Variants in FBXL20 observed in about 807,000 individuals in gnomAD.
The protein encoded by FBXL20 is F-box and leucine rich repeat protein 20.
FBXL20 carries 11 observed loss-of-function variants against 64.0 expected under a neutral mutation model. That is an observed-to-expected ratio of 0.17 (90% CI 0.11 to 0.28). FBXL20 has a LOEUF of 0.28. Ranked by LOEUF, FBXL20 falls within the 10% of genes least tolerant of loss-of-function variation. The pLI is 1.00. For synonymous variants in FBXL20, 184 were observed against 189.0 expected (o/e 0.97, Z 0.22); for missense variants, 303 against 526.2 (o/e 0.58, Z 4.15).
rs531679700 is a variant in FBXL20 at position 39,281,006 on chromosome 17, T to C, written c.696+383A>G. On this transcript the variant is annotated intron_variant, in intron 9 of 14. Coordinates refer to ENST00000264658, the MANE Select transcript of FBXL20 (RefSeq NM_032875.3). ...CTCAAACTCCTGGACTCAAGCAGTC[T>C]GCCTGCTTCAGCCTCCCAAAGTGCT... Among the ~76,000 whole-genome samples the C allele has an allele frequency of 2.0e-5, 3 of 152,340 alleles. No homozygotes were observed. In the South Asian group the frequency reaches 6.2e-4, roughly 32 times the overall value.
At chr17:39,328,103 C>T (rs1021724194) in intron 2 of FBXL20, among the ~76,000 whole-genome samples, 1 of 151,518 alleles carries the variant, frequency 6.6e-6, no homozygotes, top group African/African-American at 2.4e-5. Flanking sequence ...CAAAAATTAG[C>T]CGGGCGTGGT....
chr17:39,338,703 CATTA>C (rs1025211781), intron 2 of FBXL20, among the ~76,000 whole-genome samples: 1 of 152,084 alleles, frequency 6.6e-6, no homozygotes, highest in African/African-American at 2.4e-5. Context: ...CAGTAACAAG[CATTA>C]ATTGACATCA....
chr17:39,316,272 T>A (rs1045426705), intron 2 of FBXL20, among the ~76,000 whole-genome samples: 1 of 150,630 alleles, frequency 6.6e-6, no homozygotes, highest in Non-Finnish European at 1.5e-5. Context: ...TGTGTACATA[T>A]ATACACGTGT....
intron 2 of FBXL20, among the ~76,000 whole-genome samples, chr17:39,342,558 T>C (rs2047592985): frequency 2.0e-5 from 3 of 151,616 alleles, no homozygotes; most frequent in African/African-American, 4.8e-5. Context: ...TACTAAAAAA[T>C]ACAAAAAAAT....
intron 1 of FBXL20, among the ~76,000 whole-genome samples, chr17:39,366,602 T>C (rs2047862188): frequency 6.6e-6 from 1 of 152,218 alleles, no homozygotes; most frequent in Non-Finnish European, 1.5e-5. Context: ...CTTGCATGTC[T>C]AAAATATGTA....
chr17:39,279,504 A>G (rs1200322156), intron 9 of FBXL20, among the ~76,000 whole-genome samples: 2 of 152,026 alleles, frequency 1.3e-5, no homozygotes, highest in Non-Finnish European at 2.9e-5. Context: ...CACCTCAAAA[A>G]AAAAAAAAAA....
At chr17:39,383,198 T>C (rs1171443533) in intron 1 of FBXL20, among the ~76,000 whole-genome samples, 2 of 149,900 alleles carry the variant, frequency 1.3e-5, no homozygotes, top group East Asian at 1.9e-4. Flanking sequence ...GAAATATTCA[T>C]ATAATGGAAT....
intron 2 of FBXL20, among the ~76,000 whole-genome samples, chr17:39,331,496 C>T (rs1359711914): frequency 6.6e-6 from 1 of 152,170 alleles, no homozygotes; most frequent in African/African-American, 2.4e-5. Flanking sequence ...ACTCTCCATG[C>T]TAGGTTTAAA....
intron 10 of FBXL20, among the ~76,000 whole-genome samples, chr17:39,271,063 C>T (rs2046839163): frequency 6.6e-6 from 1 of 152,160 alleles, no homozygotes; most frequent in African/African-American, 2.4e-5. Flanking sequence ...ATAAATACCA[C>T]ATTTCAGGGT....
chr17:39,344,329 C>T (rs1356124043), intron 1 of FBXL20, among the ~76,000 whole-genome samples: 2 of 146,724 alleles, frequency 1.4e-5, no homozygotes, highest in African/African-American at 5.1e-5. Context: ...CCAGCCTCAG[C>T]GAGACAGTGA....
At position 39,343,220 on chromosome 17, in the gene FBXL20, C is replaced by G; in HGVS notation, c.64G>C (p.Ala22Pro). 6.2e-7 allele frequency: 1 copy of G among 1,602,358 alleles called. No individual in the cohort carries two copies. Among genetic ancestry groups the G allele is most frequent in the Non-Finnish European group, 8.5e-7 (1 of 1,176,266 alleles). The change falls in exon 2 of 15, where the codon GCT becomes CCT. Residue 22 changes from alanine (A) to proline (P), a missense_variant. Coordinates refer to ENST00000264658, the MANE Select transcript of FBXL20 (RefSeq NM_032875.3). ...RFEMFSNSDE[A>P]VINKKLPKEL... ...TTGGGAAGTTTTTTATTGATTACAG[C>G]TTCATCACTATTTGAGAACATCTGC...
chr17:39,273,326 T>G (rs1374674335), intron 10 of FBXL20, among the ~76,000 whole-genome samples: 1 of 152,168 alleles, frequency 6.6e-6, no homozygotes, highest in East Asian at 1.9e-4. Context: ...ACAAAAGTTC[T>G]TTCAACAATT....
intron 1 of FBXL20, among the ~76,000 whole-genome samples, chr17:39,367,541 T>G (rs2047873126): frequency 6.6e-6 from 1 of 151,912 alleles, no homozygotes; most frequent in African/African-American, 2.4e-5. Context: ...CATCTCAAAC[T>G]CCTGGCCTCA....
intron 12 of FBXL20, 41 bp downstream of exon 12, chr17:39,268,786 T>C: frequency 6.5e-7 from 1 of 1,542,856 alleles, no homozygotes; most frequent in Non-Finnish European, 8.9e-7. Flanking sequence ...TATCTAAGTG[T>C]CTACTATACT....
intron 2 of FBXL20, among the ~76,000 whole-genome samples, chr17:39,310,419 CCTAAT>C (rs1323170956): frequency 6.6e-6 from 1 of 152,056 alleles, no homozygotes; most frequent in African/African-American, 2.4e-5. Flanking sequence ...CCGCCAGTTA[CCTAAT>C]CTAAGAATTC....
chr17:39,388,853 G>A (rs1412996685), intron 1 of FBXL20, among the ~76,000 whole-genome samples: 3 of 149,948 alleles, frequency 2.0e-5, no homozygotes, highest in Non-Finnish European at 4.4e-5. Flanking sequence ...TGTAATCCCA[G>A]CACTTTGGGA....
chr17:39,304,831 G>T (rs1023029562), intron 2 of FBXL20, among the ~76,000 whole-genome samples: 1 of 152,112 alleles, frequency 6.6e-6, no homozygotes, highest in African/African-American at 2.4e-5. Context: ...GTCCAGGCTG[G>T]AGTGCAGTGG....
intron 8 of FBXL20, 111 bp from the exon 9 acceptor site, chr17:39,281,574 CG>C: frequency 1.3e-6 from 1 of 759,718 alleles, no homozygotes; most frequent in South Asian, 1.8e-5. Context: ...AACCAAGTTT[CG>C]AAGGAACAAT....
chr17:39,333,957 C>T (rs2047493323), intron 2 of FBXL20, among the ~76,000 whole-genome samples: 1 of 152,158 alleles, frequency 6.6e-6, no homozygotes, highest in Admixed American at 6.6e-5. Context: ...AGCCGCCACC[C>T]CGTCTGGGAG....
Sources: gnomAD v4.1 joint callset for allele counts (sites outside exome capture counted in the v4.1 genomes callset) on GRCh38, gnomAD v4.1.1 for gene constraint, MANE v1.5 for transcripts, NCBI Gene and HGNC (gene_info 2026-07-23, HGNC 2026-07-21) for gene names.